Variants in FAM216A observed in about 807,000 individuals in gnomAD.
The protein encoded by FAM216A is family with sequence similarity 216 member A, also known as protein FAM216A.
Under a neutral mutation model 37.6 loss-of-function variants are expected in FAM216A, and 26 were observed. That is an observed-to-expected ratio of 0.69 (90% CI 0.51 to 0.96). The LOEUF is 0.96. Among genes scored for constraint, FAM216A ranks in the 40% least tolerant of loss-of-function variants. The pLI is 0.00. For synonymous variants in FAM216A, 110 were observed against 121.7 expected (o/e 0.90, Z 0.64); for missense variants, 326 against 339.3 (o/e 0.96, Z 0.31).
intron 2 of FAM216A, among the ~76,000 whole-genome samples, chr12:110,475,310 T>C (rs2062708820): frequency 6.6e-6 from 1 of 151,928 alleles, no homozygotes; most frequent in South Asian, 2.1e-4. Flanking sequence ...GGTGTAATCT[T>C]GGCTTATTGC....
intron 6 of FAM216A, among the ~76,000 whole-genome samples, chr12:110,488,747 C>T (rs1020602153): frequency 2.6e-5 from 4 of 152,134 alleles, no homozygotes; most frequent in African/African-American, 7.2e-5. Context: ...GAACCCTATA[C>T]TTTGTTATTT....
At chr12:110,468,603 T>A, upstream of FAM216A, 1 of 1,537,256 alleles carries the variant, frequency 6.5e-7, no homozygotes, top group Non-Finnish European at 8.7e-7. Context: ...TCTGGAATAC[T>A]GAAGTGGAAG....
intron 3 of FAM216A, 34 bp downstream of exon 3, chr12:110,485,233 C>T (rs1171063343): frequency 1.9e-6 from 3 of 1,579,184 alleles, no homozygotes; most frequent in Non-Finnish European, 2.6e-6. Flanking sequence ...AATACCAATA[C>T]TCTTTGTATT....
At chr12:110,483,476 C>T (rs2062759989) in intron 2 of FAM216A, among the ~76,000 whole-genome samples, 1 of 152,110 alleles carries the variant, frequency 6.6e-6, no homozygotes, top group Non-Finnish European at 1.5e-5. Flanking sequence ...TATGTTTCAA[C>T]TTTTATTTTT....
At chr12:110,479,933 G>A (rs1362665646) in intron 2 of FAM216A, among the ~76,000 whole-genome samples, 4 of 151,990 alleles carry the variant, frequency 2.6e-5, no homozygotes, top group Admixed American at 1.3e-4. Context: ...TTGTTTGAGG[G>A]CATATAGTCC....
intron 1 of FAM216A, 167 bp downstream of exon 1, chr12:110,469,185 G>A: frequency 1.3e-6 from 1 of 782,062 alleles, no homozygotes; most frequent in Non-Finnish European, 1.8e-6. Context: ...GTGGACAGAG[G>A]GCAGAGGGGA....
intron 2 of FAM216A, among the ~76,000 whole-genome samples, chr12:110,474,266 T>C (rs916219242): frequency 2.0e-5 from 3 of 151,912 alleles, no homozygotes; most frequent in African/African-American, 4.8e-5. Flanking sequence ...ATTCCAGATG[T>C]GGAGGGAAAT....
intron 2 of FAM216A, among the ~76,000 whole-genome samples, chr12:110,481,508 C>G (rs2135550244): frequency 6.6e-6 from 1 of 151,232 alleles, no homozygotes; most frequent in African/African-American, 2.4e-5. Context: ...CCATGCCTGG[C>G]TAAGTATTTT....
chr12:110,468,472 C>T (rs1461610651), upstream of FAM216A: 6 of 1,536,994 alleles, frequency 3.9e-6, no homozygotes, highest in African/African-American at 4.1e-5. Context: ...GCTTGGATAC[C>T]TGAGTAATAA....
At chr12:110,476,893 G>A (rs73191815) in intron 2 of FAM216A, among the ~76,000 whole-genome samples, 12,292 of 152,182 alleles carry the variant, frequency 0.081, 537 homozygotes, top group Middle Eastern at 0.11. Flanking sequence ...TTCTCACCCT[G>A]TTGCCCAGGC....
chr12:110,483,330 C>CA lies in FAM216A; in HGVS notation c.185-1735dup, dbSNP rs916383892. ...TGGGCGACAGAGCGAGACTCCTTCT[C>CA]AAAAAAAAAAAAAGAGGCATTTCGT... On this transcript the variant is annotated intron_variant, in intron 2 of 6. Transcript: ENST00000377673. Among the ~76,000 whole-genome samples, 846 of 120,664 alleles carry CA rather than the reference C, an allele frequency of 7.0e-3. 17 individuals are homozygous for CA. The highest frequency in any genetic ancestry group is 0.057 in the East Asian group (257 of 4,486). The allele number at this position is 120,664 out of a possible 152,430, so 79.2% of individuals were successfully genotyped here.
At chr12:110,477,513 C>T (rs951533812) in intron 2 of FAM216A, among the ~76,000 whole-genome samples, 5 of 151,476 alleles carry the variant, frequency 3.3e-5, no homozygotes, top group African/African-American at 4.8e-5. Context: ...CCACCACGCT[C>T]GCCTAATTTT....
chr12:110,484,829 T>C (rs992823031), intron 2 of FAM216A, among the ~76,000 whole-genome samples: 3 of 151,890 alleles, frequency 2.0e-5, no homozygotes, highest in African/African-American at 2.4e-5. Flanking sequence ...CCTGGCTCAC[T>C]GCAAGCTCCG....
intron 6 of FAM216A, among the ~76,000 whole-genome samples, chr12:110,489,480 C>CAA (rs11397208): frequency 9.8e-4 from 112 of 114,380 alleles, no homozygotes; most frequent in African/African-American, 1.0e-3. Flanking sequence ...CTCTAGTCTC[C>CAA]AAAAAAAAAA....
intron 2 of FAM216A, among the ~76,000 whole-genome samples, chr12:110,475,735 A>AG (rs2062711365): frequency 6.6e-6 from 1 of 151,598 alleles, no homozygotes; most frequent in East Asian, 1.9e-4. Flanking sequence ...AAAAAAAAAA[A>AG]AAAAGTGGGG....
chr12:110,486,633 C>CG lies in FAM216A; in HGVS notation c.540dup (p.Ser181ValfsTer3). On this transcript the variant is annotated frameshift_variant, in exon 5 of 7. Transcript: ENST00000377673. LOFTEE classifies it high-confidence loss of function. Reference sequence around the variant, plus strand: ...CGACATCAACTGGAGAGAGAGGACTCGGGGTCTTCTGATATCGCAGCTGCA... The same window carrying CG: ...CGACATCAACTGGAGAGAGAGGACTCGGGGGTCTTCTGATATCGCAGCTGCA... The CG allele has an allele frequency of 6.2e-7, 1 of 1,614,080 alleles. No homozygotes were observed. Among genetic ancestry groups the CG allele is most frequent in the Non-Finnish European group, 8.5e-7 (1 of 1,180,012 alleles).
chr12:110,472,975 CAAAAAA>C (rs879057348), intron 1 of FAM216A, 97 bp from the exon 2 acceptor site: 3,969 of 86,818 alleles, frequency 0.046, 26 homozygotes, highest in Non-Finnish European at 0.066. Context: ...GACCCTGTCT[CAAAAAA>C]AAAAAAAAAA....
At chr12:110,471,880 A>G (rs978380759) in intron 1 of FAM216A, among the ~76,000 whole-genome samples, 1 of 152,222 alleles carries the variant, frequency 6.6e-6, no homozygotes, top group African/African-American at 2.4e-5. Context: ...ATTTGTACGA[A>G]ATTAGAAACA....
At chr12:110,470,792 C>T (rs2062682360) in intron 1 of FAM216A, among the ~76,000 whole-genome samples, 1 of 151,968 alleles carries the variant, frequency 6.6e-6, no homozygotes, top group Non-Finnish European at 1.5e-5. Context: ...TCCATGCTTC[C>T]TTTAGTTTAT....
Sources: gnomAD v4.1 joint callset for allele counts (sites outside exome capture counted in the v4.1 genomes callset) on GRCh38, gnomAD v4.1.1 for gene constraint, MANE v1.5 for transcripts, NCBI Gene and HGNC (gene_info 2026-07-23, HGNC 2026-07-21) for gene names.